PLCB4: variants seen among roughly 807,000 people sequenced by gnomAD.
The protein encoded by PLCB4 is phospholipase C beta 4, also known as 1-phosphatidylinositol 4,5-bisphosphate phosphodiesterase beta-4.
PLCB4 carries 77 observed loss-of-function variants against 178.8 expected under a neutral mutation model. That is an observed-to-expected ratio of 0.43 (90% CI 0.36 to 0.52). The LOEUF (loss-of-function observed/expected upper bound fraction) is 0.52, where lower values mean the gene tolerates loss of function less well. PLCB4 is among the 20% of genes least tolerant of loss of function. The pLI is 0.00. For missense variants in PLCB4, 1,024 were observed against 1,453.4 expected, an observed-to-expected ratio of 0.70 and a Z score of 4.80; for synonymous variants, 496 against 490.8, an observed-to-expected ratio of 1.01 and a Z score of -0.14.
chr20:9,268,433 G>T (rs953106519), intron 3 of PLCB4, among the ~76,000 whole-genome samples: 3 of 152,156 alleles, frequency 2.0e-5, no homozygotes, highest in African/African-American at 7.2e-5. Context: ...AGTATCTCAA[G>T]TAAATCTCAG....
intron 2 of PLCB4, among the ~76,000 whole-genome samples, chr20:9,154,168 G>T (rs13037671): frequency 6.6e-6 from 1 of 152,140 alleles, no homozygotes; most frequent in Non-Finnish European, 1.5e-5. Flanking sequence ...TTAGAGAGAA[G>T]AAAGGAATCC....
At chr20:9,203,478 C>T (rs1423504726) in intron 2 of PLCB4, among the ~76,000 whole-genome samples, 1 of 152,156 alleles carries the variant, frequency 6.6e-6, no homozygotes, top group Non-Finnish European at 1.5e-5. Flanking sequence ...TCCTATGCTA[C>T]TATTCTTAGT....
At chr20:9,133,549 G>A (rs916940115) in intron 2 of PLCB4, among the ~76,000 whole-genome samples, 1 of 152,174 alleles carries the variant, frequency 6.6e-6, no homozygotes, top group Non-Finnish European at 1.5e-5. Flanking sequence ...TTACAGGTGT[G>A]AGCCACCACA....
chr20:9,214,457 C>G (rs977916401), intron 2 of PLCB4, among the ~76,000 whole-genome samples: 1 of 152,076 alleles, frequency 6.6e-6, no homozygotes, highest in Non-Finnish European at 1.5e-5. Context: ...TGCATTAACA[C>G]TGATACAACT....
intron 2 of PLCB4, among the ~76,000 whole-genome samples, chr20:9,165,851 T>C (rs2092962456): frequency 1.3e-5 from 2 of 150,978 alleles, no homozygotes; most frequent in African/African-American, 2.5e-5. Flanking sequence ...GTTAATTTGA[T>C]GTAGAATTAA....
At chr20:9,469,637 A>G (rs2044044327) in intron 36 of PLCB4, among the ~76,000 whole-genome samples, 1 of 152,214 alleles carries the variant, frequency 6.6e-6, no homozygotes, top group Non-Finnish European at 1.5e-5. Context: ...AGTAACCTCA[A>G]ATAAAAAATT....
intron 32 of PLCB4, among the ~76,000 whole-genome samples, chr20:9,449,888 A>G (rs1490049844): frequency 6.6e-6 from 1 of 152,220 alleles, no homozygotes; most frequent in Non-Finnish European, 1.5e-5. Flanking sequence ...GCAGAGACAC[A>G]GCAGTTGCCC....
At chr20:9,298,269 A>G (rs776737053) in intron 3 of PLCB4, among the ~76,000 whole-genome samples, 22 of 152,096 alleles carry the variant, frequency 1.4e-4, no homozygotes, top group Non-Finnish European at 2.6e-4. Flanking sequence ...TATCAAAACT[A>G]AACATAGAAA....
intron 4 of PLCB4, among the ~76,000 whole-genome samples, chr20:9,324,155 A>T (rs2029966899): frequency 6.7e-6 from 1 of 149,422 alleles, no homozygotes; most frequent in African/African-American, 2.5e-5. Context: ...AGCCTAGGTG[A>T]TAGAGTGAGG....
chr20:9,092,076 C>T (rs1368619662), intron 1 of PLCB4, among the ~76,000 whole-genome samples: 1 of 152,050 alleles, frequency 6.6e-6, no homozygotes, highest in Non-Finnish European at 1.5e-5. Context: ...GCTCTTCAGC[C>T]CTCGAGAGGT....
At chr20:9,436,874 C>T in intron 29 of PLCB4, 128 bp from the exon 30 acceptor site, 1 of 816,872 alleles carries the variant, frequency 1.2e-6, no homozygotes, top group Non-Finnish European at 1.9e-6. Context: ...GGATCCTTTG[C>T]CTTTAAGAGA....
At chr20:9,342,636 C>A (rs35840545) in intron 7 of PLCB4, among the ~76,000 whole-genome samples, 17,709 of 149,654 alleles carry the variant, frequency 0.12, 1,322 homozygotes, top group African/African-American at 0.2. Flanking sequence ...GGATCTGTTG[C>A]GTGGCTTTTA....
intron 3 of PLCB4, among the ~76,000 whole-genome samples, chr20:9,294,252 T>C (rs920476747): frequency 6.6e-6 from 1 of 152,176 alleles, no homozygotes; most frequent in African/African-American, 2.4e-5. Flanking sequence ...TAAGTGACTG[T>C]GAAGTCTGCA....
intron 2 of PLCB4, among the ~76,000 whole-genome samples, chr20:9,131,556 G>A (rs924767578): frequency 6.6e-6 from 1 of 152,156 alleles, no homozygotes; most frequent in African/African-American, 2.4e-5. Context: ...AACGTGTATG[G>A]TGGTTGCAGT....
In PLCB4 at chr20:9,134,052, G is replaced by A. The variant is rs573026804; in HGVS notation, c.-79+37710G>A. Among the ~76,000 whole-genome samples the A allele has an allele frequency of 3.3e-5, 5 of 152,302 alleles. No homozygotes were observed. The East Asian group carries it at 5.8e-4, about 18-fold the overall frequency. On this transcript the variant is annotated intron_variant, in intron 2 of 39. Coordinates refer to ENST00000378473, the MANE Select transcript of PLCB4 (RefSeq NM_001377142.1). ...AAGGCACTGTCTTTTGCCCCAAGGC[G>A]GCATTAACATTAATTTAGCATAATA...
chr20:9,414,452 T>G lies in PLCB4; in HGVS notation c.2051+3364T>G, dbSNP rs1282810431. ...TCTCACCGTGTCACCCTTGTGGTTC[T>G]CCCACCCACCTGCAAAGACTTTTAA... On this transcript the variant is annotated intron_variant, in intron 25 of 39. Transcript: ENST00000378473. Among the ~76,000 whole-genome samples the G allele has an allele frequency of 1.3e-5, 2 of 152,240 alleles. 1 individual carries two copies. The highest frequency in any genetic ancestry group is 3.9e-4 in the East Asian group (2 of 5,192).
chr20:9,292,319 T>C (rs2094587060), intron 3 of PLCB4, among the ~76,000 whole-genome samples: 1 of 152,210 alleles, frequency 6.6e-6, no homozygotes, highest in South Asian at 2.1e-4. Flanking sequence ...ATGTTTTGCC[T>C]GATAATTGTG....
intron 3 of PLCB4, among the ~76,000 whole-genome samples, chr20:9,236,147 A>G (rs907467934): frequency 6.6e-6 from 1 of 152,006 alleles, no homozygotes; most frequent in Non-Finnish European, 1.5e-5. Flanking sequence ...CCTTAGATTA[A>G]TTTTGTCTCT....
rs2147061477 is a variant in PLCB4 at position 9,175,229 on chromosome 20, A to T, written c.-78-42161A>T. Among the ~76,000 whole-genome samples, 2 of 152,318 alleles carry T rather than the reference A, an allele frequency of 1.3e-5. 1 individual carries two copies. The highest frequency in any genetic ancestry group is 4.1e-4 in the South Asian group (2 of 4,826). ...TAACAAGCTCTCCAGGAGATGATGA[A>T]GTGCAATCAAGTTTAAGAAACATCA... On this transcript the variant is annotated intron_variant, in intron 2 of 39. Coordinates refer to ENST00000378473, the MANE Select transcript of PLCB4 (RefSeq NM_001377142.1).
Sources: allele counts gnomAD v4.1 joint callset (sites outside exome capture counted in the v4.1 genomes callset), GRCh38; gene constraint gnomAD v4.1.1; transcripts MANE v1.5; gene names NCBI Gene and HGNC (gene_info 2026-07-23, HGNC 2026-07-21).